MMEL1: variants seen among roughly 807,000 people sequenced by gnomAD.
The protein encoded by MMEL1 is membrane metallo-endopeptidase-like 1.
MMEL1 carries 98 observed loss-of-function variants against 117.1 expected under a neutral mutation model. That is an observed-to-expected ratio of 0.84 (90% CI 0.71 to 0.99). MMEL1 has a LOEUF of 0.99. MMEL1 is among the 50% of genes least tolerant of loss of function. The pLI is 0.00. For synonymous variants in MMEL1, 390 were observed against 415.1 expected (o/e 0.94, Z 0.74); for missense variants, 1,014 against 1,049.1 (o/e 0.97, Z 0.46).
In MMEL1 at chr1:2,603,876, G is replaced by A; in HGVS notation, c.1041+8C>T. The A allele has an allele frequency of 1.2e-6, 2 of 1,613,138 alleles. No individual in the cohort carries two copies. The highest frequency in any genetic ancestry group is 2.7e-5 in the African/African-American group (2 of 75,052). ...CCAGTGCCGGCCTCCTGTGTGGTGT[G>A]GCCTCACCTTCAGGCCAAACTGGCT... On this transcript the variant is annotated splice_region_variant and intron_variant, in intron 11 of 23. Transcript: ENST00000378412.
At chr1:2,604,387 T>C (rs1644988005) in intron 9 of MMEL1, 106 bp from the exon 10 acceptor site, 1 of 1,471,904 alleles carries the variant, frequency 6.8e-7, no homozygotes, top group Non-Finnish European at 9.2e-7. Context: ...AAGCCCCTAA[T>C]GCGTGTCCAC....
rs370742972 is a variant in MMEL1, at chr1:2,595,962, G to C, written c.1500+47C>G. On this transcript the variant is annotated intron_variant, in intron 15 of 23. Transcript: ENST00000378412. The surrounding 1 kb of genome is among the most constrained non-coding windows in gnomAD (Gnocchi z 4.8). ...AGGCTTTGTCGGGGCGGTGCTGCCC[G>C]TGCCCAGATCCAGTCGGGGCTGCCC... The C allele has an allele frequency of 2.0e-6, 3 of 1,522,836 alleles. No individual in the cohort carries two copies. The highest frequency in any genetic ancestry group is 2.7e-6 in the Non-Finnish European group (3 of 1,098,996). 94.3% of individuals were successfully genotyped at this position (1,522,836 alleles called of 1,614,324 possible).
Position 2,609,389 on chromosome 1 carries a change from C to G in MMEL1, c.485G>C (p.Arg162Pro), listed in dbSNP as rs141838137. 102 of 1,612,044 alleles carry G rather than the reference C, an allele frequency of 6.3e-5. No homozygotes were observed. In the African/African-American group the frequency reaches 9.3e-4, roughly 15 times the overall value. ...CGTCCTGGCCTTCTCCACAGCCGGC[C>G]GGTCCTTGGCAGTCGAATTCTCCAG... ...AVLENSTAKD[R>P]PAVEKARTLY... The change falls in exon 6 of 24, where the codon CGG becomes CCG. Residue 162 changes from arginine (R) to proline (P), a missense_variant. Transcript: ENST00000378412.
intron 9 of MMEL1, among the ~76,000 whole-genome samples, chr1:2,605,077 C>T (rs1016591551): frequency 1.3e-5 from 2 of 152,158 alleles, no homozygotes; most frequent in African/African-American, 4.8e-5. Context: ...TCCTCACCTG[C>T]TCCCTGTCCT....
chr1:2,630,861 C>G (rs556018111), intron 1 of MMEL1, among the ~76,000 whole-genome samples: 106 of 147,452 alleles, frequency 7.2e-4, no homozygotes, highest in African/African-American at 2.5e-3. Flanking sequence ...TGTGCGTGTA[C>G]TCTCGTGTGT....
chr1:2,608,172 C>T (rs567015056), intron 6 of MMEL1, among the ~76,000 whole-genome samples: 217 of 152,222 alleles, frequency 1.4e-3, no homozygotes, highest in African/African-American at 4.9e-3. Context: ...AGGGGTCTCA[C>T]GGAGACGCCC....
rs912537696 is a variant in MMEL1, at chr1:2,612,904, C to T, written c.155-700G>A. On this transcript the variant is annotated intron_variant, in intron 2 of 23. Coordinates refer to ENST00000378412, the MANE Select transcript of MMEL1 (RefSeq NM_033467.4). The surrounding 1 kb of genome is among the most constrained non-coding windows in gnomAD (Gnocchi z 5.4). ...GCTACCTTCAGACCTGGCTTGTGGC[C>T]GAATTTCCCCAGCAGTGAGGTACAC... Among the ~76,000 whole-genome samples, 6 of 152,206 alleles carry T rather than the reference C, an allele frequency of 3.9e-5. No homozygotes were observed. The East Asian group carries it at 9.7e-4, about 25-fold the overall frequency.
intron 11 of MMEL1, among the ~76,000 whole-genome samples, chr1:2,600,554 G>A (rs368466409): frequency 6.6e-6 from 1 of 151,538 alleles, no homozygotes; most frequent in African/African-American, 2.4e-5. Flanking sequence ...AAAAAATCAG[G>A]CAAGGCTTGG....
At chr1:2,626,283 CTG>C (rs1182658536) in intron 2 of MMEL1, among the ~76,000 whole-genome samples, 1 of 152,190 alleles carries the variant, frequency 6.6e-6, no homozygotes, top group Non-Finnish European at 1.5e-5. Context: ...TGGTCAAAAA[CTG>C]TGAGCCTGGG....
intron 13 of MMEL1, 21 bp downstream of exon 13, chr1:2,598,186 C>G: frequency 6.2e-7 from 1 of 1,610,516 alleles, no homozygotes; most frequent in South Asian, 1.1e-5. Flanking sequence ...CGGCCAGGCT[C>G]TGGGCAGGGA....
chr1:2,596,199 GC>G (rs34977641), intron 14 of MMEL1, 92 bp from the exon 15 acceptor site: 1 of 1,223,726 alleles, frequency 8.2e-7, no homozygotes, highest in Admixed American at 1.8e-5. Flanking sequence ...TCTGAGCCCC[GC>G]CGGGGCAAGG....
In MMEL1 at chr1:2,595,476, C is replaced by T; in HGVS notation, c.1501-117G>A. On this transcript the variant is annotated intron_variant, in intron 15 of 23. Transcript: ENST00000378412. This position sits in a 1 kb window ranked among gnomAD's most constrained non-coding sequence, Gnocchi z 4.8. ...GTCAGCCCGGGGCATCCTGGCTGTG[C>T]TCTCCCTGTCCTGTGGTGAGGGGCT... The T allele has an allele frequency of 1.2e-5, 10 of 828,148 alleles. No individual in the cohort carries two copies. The highest frequency in any genetic ancestry group is 1.8e-5 in the Non-Finnish European group (9 of 492,772). 51.3% of individuals were successfully genotyped at this position (828,148 alleles called of 1,614,324 possible).
chr1:2,615,930 G>A (rs908133834), intron 2 of MMEL1, among the ~76,000 whole-genome samples: 12 of 152,194 alleles, frequency 7.9e-5, no homozygotes, highest in African/African-American at 2.4e-4. Flanking sequence ...GAAGGGCAGT[G>A]TATCCCAAGC....
Position 2,609,416 on chromosome 1 carries a change from A to T in MMEL1, c.458T>A (p.Val153Glu). 6.2e-7 allele frequency: 1 copy of T among 1,609,580 alleles called. No homozygotes were observed. The highest frequency in any genetic ancestry group is 8.5e-7 in the Non-Finnish European group (1 of 1,178,336). The stretch of plus-strand genomic sequence containing the variant: ...GTCCTTGGCAGTCGAATTCTCCAGC[A>T]CCGCTGTGGGCACAGGAAAAGGTTG... ...RDELEVILKA[V>E]LENSTAKDRP... The change falls in exon 6 of 24, where the codon GTG becomes GAG. Residue 153 changes from valine to glutamate, a missense_variant. By Grantham distance (121) the Val-to-Glu change is moderately radical. Coordinates refer to ENST00000378412, the MANE Select transcript of MMEL1 (RefSeq NM_033467.4).
chr1:2,620,677 G>A (rs1331494845), intron 2 of MMEL1, among the ~76,000 whole-genome samples: 1 of 151,986 alleles, frequency 6.6e-6, no homozygotes, highest in Non-Finnish European at 1.5e-5. Flanking sequence ...AAATGACAGA[G>A]CTCACTGTCT....
rs534248237 is a variant in MMEL1, at chr1:2,615,661, A to T, written c.155-3457T>A. On this transcript the variant is annotated intron_variant, in intron 2 of 23. Coordinates refer to ENST00000378412, the MANE Select transcript of MMEL1 (RefSeq NM_033467.4). ...TACTTGTGGCAAATGTATCAGGCTA[A>T]TGCAAGATGTTCATAATAGGGGAGA... is the stretch of plus-strand genomic sequence containing the variant. Among the ~76,000 whole-genome samples, 6 of 152,308 alleles carry T rather than the reference A, an allele frequency of 3.9e-5. No homozygotes were observed. In the South Asian group the frequency reaches 1.0e-3, roughly 26 times the overall value.
intron 2 of MMEL1, among the ~76,000 whole-genome samples, chr1:2,623,497 A>G (rs1427787657): frequency 6.6e-6 from 1 of 152,224 alleles, no homozygotes; most frequent in Non-Finnish European, 1.5e-5. Context: ...AGGCCCTCCA[A>G]GGAAAGGCCG....
chr1:2,612,633 G>A lies in MMEL1; in HGVS notation c.155-429C>T, dbSNP rs921853379. Among the ~76,000 whole-genome samples the A allele has an allele frequency of 6.6e-6, 1 of 152,150 alleles. No individual in the cohort carries two copies. The highest frequency in any genetic ancestry group is 1.5e-5 in the Non-Finnish European group (1 of 68,030). On this transcript the variant is annotated intron_variant, in intron 2 of 23. Coordinates refer to ENST00000378412, the MANE Select transcript of MMEL1 (RefSeq NM_033467.4). The surrounding 1 kb of genome is among the most constrained non-coding windows in gnomAD (Gnocchi z 5.4). ...CAGGGCAGGCTCATTTAGAGGGACA[G>A]GGCCTTTTCAGAGAGGGTGGCTTCC...
intron 2 of MMEL1, among the ~76,000 whole-genome samples, chr1:2,617,755 G>A (rs143713563): frequency 3.3e-4 from 50 of 152,252 alleles, no homozygotes; most frequent in Non-Finnish European, 4.9e-4. Flanking sequence ...GTTCTTCTAA[G>A]AGAAAAAGCA....
Sources: allele counts gnomAD v4.1 joint callset (sites outside exome capture counted in the v4.1 genomes callset), GRCh38; gene constraint gnomAD v4.1.1; non-coding constraint Gnocchi (gnomAD v3.1); transcripts MANE v1.5; gene names NCBI Gene and HGNC (gene_info 2026-07-23, HGNC 2026-07-21).